The following ATP13A3 variants were observed in gnomAD, a reference collection of about 807,000 sequenced individuals.
ATP13A3 encodes the protein polyamine-transporting ATPase 13A3.
In ATP13A3, 59 loss-of-function variants were observed where a neutral mutation model predicts 158.1. The ratio of observed to expected loss-of-function variants is 0.37; its 90% CI spans 0.30 to 0.46. ATP13A3 has a LOEUF of 0.46. Among genes scored for constraint, ATP13A3 ranks in the 20% least tolerant of loss-of-function variants. The pLI is 1.00. For synonymous variants in ATP13A3, 491 were observed against 504.3 expected (o/e 0.97, Z 0.35); for missense variants, 1,166 against 1,525.2 (o/e 0.76, Z 3.92).
At chr3:194,450,058 CAT>C in intron 11 of ATP13A3, 85 bp downstream of exon 11, 2 of 1,369,598 alleles carry the variant, frequency 1.5e-6, no homozygotes, top group South Asian at 2.6e-5. Flanking sequence ...GTACAAATGA[CAT>C]AGCTAATTTT....
rs1718529200 is a variant in ATP13A3 at position 194,448,086 on chromosome 3, T to C, written c.1151-77A>G. The C allele has an allele frequency of 1.4e-6, 2 of 1,398,296 alleles. No individual in the cohort carries two copies. The highest frequency in any genetic ancestry group is 2.3e-5 in the East Asian group (1 of 42,848). 86.6% of individuals were successfully genotyped at this position (1,398,296 alleles called of 1,614,324 possible). A position where few individuals can be genotyped will look rare whatever the true frequency, so the allele number is the denominator to read the frequency against. On this transcript the variant is annotated intron_variant, in intron 12 of 33. Transcript: ENST00000645319. The surrounding 1 kb of genome is among the most constrained non-coding windows in gnomAD (Gnocchi z 4.0). ...ATCTCCCAAAACAGAATCTCTCTTT[T>C]TTTTTTTTTGAGACAGAGTCTCGCT...
intron 7 of ATP13A3, among the ~76,000 whole-genome samples, chr3:194,456,679 G>A (rs79203979): frequency 1.4e-3 from 209 of 152,094 alleles, no homozygotes; most frequent in Non-Finnish European, 1.7e-3. Context: ...CTTTCATTAC[G>A]GTGAATTTGA....
upstream of ATP13A3, among the ~76,000 whole-genome samples, chr3:194,490,154 C>T (rs892853192): frequency 3.3e-5 from 5 of 152,198 alleles, no homozygotes; most frequent in Non-Finnish European, 7.3e-5. The surrounding 1 kb of genome is among the most constrained non-coding windows in gnomAD (Gnocchi z 4.4). Flanking sequence ...CCCTTACTTC[C>T]TATTTCACTA....
At chr3:194,417,004 A>T (rs572937795) in intron 31 of ATP13A3, among the ~76,000 whole-genome samples, 1 of 152,344 alleles carries the variant, frequency 6.6e-6, no homozygotes, top group Admixed American at 6.5e-5. Context: ...GAAAGACATT[A>T]GGTCAAAAAG....
intron 33 of ATP13A3, among the ~76,000 whole-genome samples, chr3:194,407,720 G>A (rs1715045510): frequency 6.6e-6 from 1 of 152,094 alleles, no homozygotes; most frequent in Admixed American, 6.6e-5. Flanking sequence ...AAAGTCTGAA[G>A]ATTACTCGCC....
In ATP13A3 at chr3:194,448,667, GT is replaced by G. The variant is rs1262169139; in HGVS notation, c.971-32del. ...AAAAACAACAACAACAACAAAAACAGTTTACAAATTATTAAACGAAAGCACA... is the reference window on the plus strand; with the variant it reads ...AAAAACAACAACAACAACAAAAACAGTTACAAATTATTAAACGAAAGCACA... On this transcript the variant is annotated intron_variant, in intron 11 of 33. Transcript: ENST00000645319. The surrounding 1 kb of genome is among the most constrained non-coding windows in gnomAD (Gnocchi z 4.0). 6.3e-7 allele frequency: 1 copy of G among 1,583,328 alleles called. No homozygotes were observed. The highest frequency in any genetic ancestry group is 2.2e-5 in the East Asian group (1 of 44,574).
intron 30 of ATP13A3, among the ~76,000 whole-genome samples, chr3:194,421,681 T>C (rs1381416882): frequency 6.6e-6 from 1 of 151,900 alleles, no homozygotes; most frequent in Non-Finnish European, 1.5e-5. Flanking sequence ...TCTATGGTCA[T>C]TTAAGTAGTT....
chr3:194,413,293 A>G (rs1450820008), intron 32 of ATP13A3, among the ~76,000 whole-genome samples: 1 of 152,242 alleles, frequency 6.6e-6, no homozygotes, highest in African/African-American at 2.4e-5. Flanking sequence ...AGGTAAGTCC[A>G]TAACGATTAT....
At chr3:194,406,341 G>A (rs550555853) in intron 33 of ATP13A3, among the ~76,000 whole-genome samples, 8 of 152,128 alleles carry the variant, frequency 5.3e-5, no homozygotes, top group Non-Finnish European at 1.2e-4. Context: ...GAGGTGGGAG[G>A]ACTGCTTGAG....
chr3:194,466,985 T>C (rs1259514185), intron 2 of ATP13A3, among the ~76,000 whole-genome samples: 1 of 152,256 alleles, frequency 6.6e-6, no homozygotes. Context: ...CAATCTACTA[T>C]GTGCCAGGTA....
chr3:194,431,805 G>A lies in ATP13A3; in HGVS notation c.2333C>T (p.Pro778Leu). The A allele has an allele frequency of 6.2e-7, 1 of 1,613,196 alleles. No individual in the cohort carries two copies. The highest frequency in any genetic ancestry group is 8.5e-7 in the Non-Finnish European group (1 of 1,179,624). Residue 778 changes from proline (P) to leucine (L), a missense_variant, in exon 22 of 34, where the codon CCT becomes CTT. Physicochemically the swap from Pro to Leu is moderately conservative, Grantham distance 98. Transcript: ENST00000645319. ...TTTGGCAACTTTCCCATCCTTTGGA[G>A]GTAATGCTTCAGCAATAATCACTTT... is the stretch of plus-strand genomic sequence containing the variant. ...QDKVIIAEAL[P>L]PKDGKVAKIN...
intron 2 of ATP13A3, among the ~76,000 whole-genome samples, chr3:194,482,252 A>C (rs1195753784): frequency 6.6e-6 from 1 of 152,140 alleles, no homozygotes; most frequent in Non-Finnish European, 1.5e-5. Context: ...TAACCTGATT[A>C]ATACAAATTA....
chr3:194,454,699 G>T (rs568108725), intron 8 of ATP13A3, among the ~76,000 whole-genome samples: 1 of 152,040 alleles, frequency 6.6e-6, no homozygotes, highest in Non-Finnish European at 1.5e-5. Flanking sequence ...CATGGTGGCA[G>T]GCGCCTGTAG....
chr3:194,460,607 A>C (rs776297528), intron 4 of ATP13A3, 51 bp downstream of exon 4: 2 of 1,560,374 alleles, frequency 1.3e-6, no homozygotes, highest in Non-Finnish European at 1.7e-6. Flanking sequence ...ATACACAAAG[A>C]CATTGTTTTA....
chr3:194,407,316 A>G (rs1427978321), intron 33 of ATP13A3, among the ~76,000 whole-genome samples: 1 of 152,240 alleles, frequency 6.6e-6, no homozygotes, highest in Non-Finnish European at 1.5e-5. Context: ...AAGGTAGAGT[A>G]GAACATAACT....
Position 194,405,862 on chromosome 3 carries a change from T to TAA in ATP13A3, c.*55_*56dup. The TAA allele has an allele frequency of 3.8e-6, 6 of 1,580,850 alleles. No homozygotes were observed. The highest frequency in any genetic ancestry group is 5.2e-6 in the Non-Finnish European group (6 of 1,150,890). ...TCTGACACACAGGATCAGAAACTCC[T>TAA]AAAATCACATATTCCTGAATACTGC... On this transcript the variant is annotated 3_prime_UTR_variant, in exon 34 of 34. Transcript: ENST00000645319.
chr3:194,460,279 T>C (rs1459950528), intron 4 of ATP13A3, among the ~76,000 whole-genome samples: 1 of 152,148 alleles, frequency 6.6e-6, no homozygotes, highest in Non-Finnish European at 1.5e-5. Context: ...TATAAAATGC[T>C]TCCAATTAGG....
chr3:194,443,558 T>C (rs1394379011), intron 15 of ATP13A3, among the ~76,000 whole-genome samples: 1 of 152,074 alleles, frequency 6.6e-6, no homozygotes, highest in Non-Finnish European at 1.5e-5. Flanking sequence ...TATATAATTA[T>C]AAGACAAAAC....
chr3:194,449,497 T>G (rs916377266), intron 11 of ATP13A3, among the ~76,000 whole-genome samples: 5 of 152,098 alleles, frequency 3.3e-5, no homozygotes, highest in African/African-American at 1.2e-4. Flanking sequence ...CTGGCCAACG[T>G]GGTGAAGCCG....
Sources: allele counts gnomAD v4.1 joint callset (sites outside exome capture counted in the v4.1 genomes callset), GRCh38; gene constraint gnomAD v4.1.1; non-coding constraint Gnocchi (gnomAD v3.1); transcripts MANE v1.5; gene names NCBI Gene and HGNC (gene_info 2026-07-23, HGNC 2026-07-21).